The following NUDT3 variants were observed in gnomAD, a reference collection of about 807,000 sequenced individuals.
NUDT3 encodes diphosphoinositol polyphosphate phosphohydrolase 1.
In NUDT3, 9 loss-of-function variants were observed where a neutral mutation model predicts 23.6. The ratio of observed to expected loss-of-function variants is 0.38; its 90% CI spans 0.23 to 0.66. The LOEUF (loss-of-function observed/expected upper bound fraction) is 0.66, where lower values mean the gene tolerates loss of function less well. NUDT3 is among the 30% of genes least tolerant of loss of function. NUDT3 has a pLI of 0.52. For missense variants in NUDT3, 172 were observed against 218.5 expected, an observed-to-expected ratio of 0.79 and a Z score of 1.34; for synonymous variants, 86 against 82.6, an observed-to-expected ratio of 1.04 and a Z score of -0.22.
chr6:34,387,105 G>A (rs1185697160), intron 1 of NUDT3, among the ~76,000 whole-genome samples: 1 of 152,112 alleles, frequency 6.6e-6, no homozygotes, highest in Admixed American at 6.6e-5. Context: ...GTAAGACCCT[G>A]TCTCAAAACA....
intron 1 of NUDT3, among the ~76,000 whole-genome samples, 162 bp downstream of exon 1, chr6:34,392,102 T>C (rs1393443613): frequency 1.3e-5 from 2 of 151,866 alleles, no homozygotes; most frequent in Non-Finnish European, 1.5e-5. Context: ...CAACGTCCTT[T>C]CTCCTTCCCC....
chr6:34,310,495 C>T (rs1258005122), intron 2 of NUDT3, among the ~76,000 whole-genome samples: 2 of 152,092 alleles, frequency 1.3e-5, no homozygotes, highest in African/African-American at 2.4e-5. Context: ...TGCCACTGCA[C>T]TCCAGCCTGG....
At chr6:34,323,714 TG>T (rs1763980895) in intron 2 of NUDT3, among the ~76,000 whole-genome samples, 1 of 152,192 alleles carries the variant, frequency 6.6e-6, no homozygotes, top group East Asian at 1.9e-4. Flanking sequence ...TACATTCAAA[TG>T]GAATAGCCAA....
rs998031352 is a variant in NUDT3, at chr6:34,351,684, T to C, written c.100-9712A>G. On this transcript the variant is annotated intron_variant, in intron 1 of 4. Coordinates refer to ENST00000607016, the MANE Select transcript of NUDT3 (RefSeq NM_006703.4). ...TGGACCCAGGAGGTGGAGGTTGCAGTGAGCCGAGATCGCACCATTGCATTC... is the reference window on the plus strand; with the variant it reads ...TGGACCCAGGAGGTGGAGGTTGCAGCGAGCCGAGATCGCACCATTGCATTC... Among the ~76,000 whole-genome samples the C allele has an allele frequency of 2.2e-5, 3 of 133,830 alleles. 1 individual carries two copies. Among genetic ancestry groups the C allele is most frequent in the Non-Finnish European group, 4.6e-5 (3 of 65,334 alleles). 87.8% of individuals were successfully genotyped at this position (133,830 alleles called of 152,430 possible).
At chr6:34,355,360 T>A (rs1370316560) in intron 1 of NUDT3, among the ~76,000 whole-genome samples, 2 of 152,080 alleles carry the variant, frequency 1.3e-5, no homozygotes, top group African/African-American at 4.8e-5. Context: ...ACCAGCCTTG[T>A]ATTTTTGGAA....
At chr6:34,379,822 C>T (rs1177341620) in intron 1 of NUDT3, among the ~76,000 whole-genome samples, 1 of 151,748 alleles carries the variant, frequency 6.6e-6, no homozygotes, top group Admixed American at 6.6e-5. Flanking sequence ...CGAGATCAGC[C>T]TGGCCAACAT....
chr6:34,317,415 G>GA lies in NUDT3; in HGVS notation c.211-21731dup, dbSNP rs148610214. On this transcript the variant is annotated intron_variant, in intron 2 of 4. Transcript: ENST00000607016. ...AAGGAATAAATGAGAAGCAGACAAAGAAAAAAAAAAGACCAAGGACTGAAT... is the reference window on the plus strand; with the variant it reads ...AAGGAATAAATGAGAAGCAGACAAAGAAAAAAAAAAAGACCAAGGACTGAAT... Among the ~76,000 whole-genome samples, 39 of 145,466 alleles carry GA rather than the reference G, an allele frequency of 2.7e-4. 1 individual carries two copies. The highest frequency in any genetic ancestry group is 1.0e-3 in the Admixed American group (15 of 14,616).
At chr6:34,374,450 G>A (rs1179103086) in intron 1 of NUDT3, among the ~76,000 whole-genome samples, 1 of 152,050 alleles carries the variant, frequency 6.6e-6, no homozygotes, top group East Asian at 1.9e-4. Flanking sequence ...TTACTGCAGT[G>A]AATCTTTCCT....
intron 2 of NUDT3, among the ~76,000 whole-genome samples, chr6:34,301,968 A>G (rs186845961): frequency 6.6e-6 from 1 of 152,306 alleles, no homozygotes; most frequent in Non-Finnish European, 1.5e-5. Flanking sequence ...TCTTAGGGGC[A>G]TTATATATTC....
rs114472778 is a variant in NUDT3, at chr6:34,290,710, C to T, written c.341-1779G>A. On this transcript the variant is annotated intron_variant, in intron 4 of 4. Transcript: ENST00000607016. Reference sequence around the variant, plus strand: ...GTCTTTTTTTTTAAGACATTTATGGCTGCATTATGTCATAGTATCTAGTAT... The same window carrying T: ...GTCTTTTTTTTTAAGACATTTATGGTTGCATTATGTCATAGTATCTAGTAT... 8.2e-3 allele frequency among the ~76,000 whole-genome samples: 1,218 copies of T among 148,002 alleles called. 9 individuals are homozygous for T. Among genetic ancestry groups the T allele is most frequent in the Middle Eastern group, 0.044 (13 of 294 alleles).
chr6:34,313,398 A>T (rs1346709943), intron 2 of NUDT3, among the ~76,000 whole-genome samples: 1 of 152,114 alleles, frequency 6.6e-6, no homozygotes, highest in Non-Finnish European at 1.5e-5. Context: ...AGGGCAGTGA[A>T]ACTATTCTGT....
intron 2 of NUDT3, among the ~76,000 whole-genome samples, chr6:34,324,313 C>T (rs571989582): frequency 2.6e-5 from 4 of 151,952 alleles, no homozygotes; most frequent in Admixed American, 6.6e-5. Flanking sequence ...TGAGATCACA[C>T]CACTGCACTC....
chr6:34,293,329 T>C (rs963168092), intron 4 of NUDT3, 122 bp downstream of exon 4: 1 of 1,156,566 alleles, frequency 8.6e-7, no homozygotes, highest in Non-Finnish European at 1.3e-6. Flanking sequence ...TCCAAAGTAC[T>C]GGGGTTATAG....
At chr6:34,386,318 T>C (rs1369685143) in intron 1 of NUDT3, among the ~76,000 whole-genome samples, 7 of 152,240 alleles carry the variant, frequency 4.6e-5, no homozygotes, top group African/African-American at 1.7e-4. Flanking sequence ...TGGGAAGTTT[T>C]TTCCTGTTAA....
At chr6:34,382,252 T>C (rs2113768529) in intron 1 of NUDT3, among the ~76,000 whole-genome samples, 1 of 150,682 alleles carries the variant, frequency 6.6e-6, no homozygotes, top group South Asian at 2.1e-4. Flanking sequence ...AAAAAATATA[T>C]ATTAGGAGGG....
chr6:34,300,673 T>A (rs570684250), intron 2 of NUDT3, among the ~76,000 whole-genome samples: 2 of 152,352 alleles, frequency 1.3e-5, no homozygotes, highest in East Asian at 3.9e-4. Flanking sequence ...GCTGACCCAG[T>A]GCCCTGATGC....
Position 34,282,433 on chromosome 6 carries a change from C to G in NUDT3, c.*6320G>C, listed in dbSNP as rs1763290081. 6.6e-6 allele frequency: 1 copy of G among 152,184 alleles called. No individual in the cohort carries two copies. Among genetic ancestry groups the G allele is most frequent in the Admixed American group, 6.5e-5 (1 of 15,276 alleles). The allele number at this position is 152,184 out of a possible 1,614,324, so 9.4% of individuals were successfully genotyped here. A position where few individuals can be genotyped will look rare whatever the true frequency, so the allele number is the denominator to read the frequency against. ...AGGGGAGTAGAATCTTATGGCCCAG[C>G]ATTGGCATTGAGGCATCTTGCTTTT... On this transcript the variant is annotated 3_prime_UTR_variant, in exon 5 of 5. Transcript: ENST00000607016.
intron 2 of NUDT3, among the ~76,000 whole-genome samples, chr6:34,330,973 G>C (rs1764118830): frequency 6.6e-6 from 1 of 152,156 alleles, no homozygotes; most frequent in Non-Finnish European, 1.5e-5. Flanking sequence ...TCCTGCCTCA[G>C]CCTCCTGAGT....
At position 34,381,263 on chromosome 6, in the gene NUDT3, C is replaced by T. The variant is rs570608561; in HGVS notation, c.99+11001G>A. 9.3e-4 allele frequency among the ~76,000 whole-genome samples: 141 copies of T among 152,030 alleles called. 5 individuals carry two copies. The highest frequency in any genetic ancestry group is 9.1e-4 in the Non-Finnish European group (62 of 68,014). On this transcript the variant is annotated intron_variant, in intron 1 of 4. Coordinates refer to ENST00000607016, the MANE Select transcript of NUDT3 (RefSeq NM_006703.4). The stretch of plus-strand genomic sequence containing the variant: ...AAACTCTTGAGCTCAAGCAATCCTC[C>T]CACTCGGCTTCCCAAAGGGCTAAGA...
Sources: gnomAD v4.1 joint callset for allele counts (sites outside exome capture counted in the v4.1 genomes callset) on GRCh38, gnomAD v4.1.1 for gene constraint, MANE v1.5 for transcripts, NCBI Gene and HGNC (gene_info 2026-07-23, HGNC 2026-07-21) for gene names.